RANBP2: variants seen among roughly 807,000 people sequenced by gnomAD.
RANBP2 encodes the protein E3 SUMO-protein ligase RanBP2.
In RANBP2, 57 loss-of-function variants were observed where a neutral mutation model predicts 303.6. That is an observed-to-expected ratio of 0.19 (90% confidence interval 0.15 to 0.23). The LOEUF (loss-of-function observed/expected upper bound fraction) is 0.23. Among genes scored for constraint, RANBP2 ranks in the 10% least tolerant of loss-of-function variants. The probability of loss-of-function intolerance (pLI) is 1.00; values close to 1 mark genes in which losing one functional copy is unlikely to be tolerated. For synonymous variants in RANBP2, 1,167 were observed against 1,301.5 expected (o/e 0.90, Z 2.23); for missense variants, 3,138 against 3,780.8 (o/e 0.83, Z 4.46).
At chr2:109,647,542 C>T in the RANBP2 span, among the ~76,000 whole-genome samples, 1 of 151,904 alleles carries the variant, frequency 6.6e-6, no homozygotes, top group Non-Finnish European at 1.5e-5. Context: ...GATCTCGGCT[C>T]ACTGCAATCT....
chr2:108,912,548 C>CA, the RANBP2 span: 1 of 835,522 alleles, frequency 1.2e-6, no homozygotes, highest in Non-Finnish European at 2.0e-6. Context: ...CATTCAATTA[C>CA]ATTAGGGAGG....
chr2:109,614,196 G>C, the RANBP2 span: 1 of 1,112,920 alleles, frequency 9.0e-7, no homozygotes, highest in East Asian at 3.8e-5. Flanking sequence ...GCCCTCGCGA[G>C]GCCGGAAGTG....
the RANBP2 span, among the ~76,000 whole-genome samples, chr2:109,167,874 T>G: frequency 6.6e-6 from 1 of 152,320 alleles, no homozygotes; most frequent in Non-Finnish European, 1.5e-5. Flanking sequence ...CCCAGCCTAG[T>G]GTCTGAATTC....
chr2:109,344,992 G>GT, the RANBP2 span, among the ~76,000 whole-genome samples: 4 of 152,166 alleles, frequency 2.6e-5, no homozygotes, highest in Admixed American at 6.5e-5. Context: ...GTGAAGGGGG[G>GT]TGTCAGGGAG....
At chr2:109,393,983 G>A in the RANBP2 span, among the ~76,000 whole-genome samples, 2 of 152,036 alleles carry the variant, frequency 1.3e-5, no homozygotes, top group Non-Finnish European at 2.9e-5. Context: ...AGGGCTGGCC[G>A]CACCTCCCCA....
chr2:109,614,762 CG>C, the RANBP2 span: 1 of 1,478,492 alleles, frequency 6.8e-7, no homozygotes, highest in Non-Finnish European at 8.9e-7. Context: ...CCGAGCCCTC[CG>C]GGGACCCGCC....
chr2:109,286,627 G>A, the RANBP2 span, among the ~76,000 whole-genome samples: 1 of 152,194 alleles, frequency 6.6e-6, no homozygotes, highest in Non-Finnish European at 1.5e-5. Context: ...CCACACCCAT[G>A]ATTCTAAATC....
the RANBP2 span, among the ~76,000 whole-genome samples, chr2:108,832,801 G>A: frequency 1.3e-5 from 2 of 152,164 alleles, no homozygotes; most frequent in Non-Finnish European, 2.9e-5. Flanking sequence ...TGCCTTAGTC[G>A]TGACGTGTAT....
chr2:109,351,477 T>G, the RANBP2 span, among the ~76,000 whole-genome samples: 1 of 152,248 alleles, frequency 6.6e-6, no homozygotes, highest in Non-Finnish European at 1.5e-5. Flanking sequence ...TAACTCTATA[T>G]TGTCTTACTC....
chr2:109,477,613 G>GGTGTGTGT, the RANBP2 span, among the ~76,000 whole-genome samples: 924 of 149,448 alleles, frequency 6.2e-3, 4 homozygotes, highest in Non-Finnish European at 8.5e-3. Flanking sequence ...GCCACAGATG[G>GGTGTGTGT]GTGTGTGTGT....
the RANBP2 span, among the ~76,000 whole-genome samples, chr2:109,143,777 A>G: frequency 1.3e-5 from 2 of 150,150 alleles, no homozygotes; most frequent in African/African-American, 4.9e-5. Context: ...CAAACAAACA[A>G]ACAAACAAAA....
At chr2:109,441,266 G>A in the RANBP2 span, among the ~76,000 whole-genome samples, 8 of 151,954 alleles carry the variant, frequency 5.3e-5, no homozygotes, top group Admixed American at 2.0e-4. Flanking sequence ...AATCAAAACT[G>A]ACCCCAAATT....
chr2:109,710,896 A>T, the RANBP2 span, among the ~76,000 whole-genome samples: 1 of 152,064 alleles, frequency 6.6e-6, no homozygotes, highest in Non-Finnish European at 1.5e-5. Flanking sequence ...TGTTCATAAT[A>T]GGAAGGGGAT....
At chr2:109,270,529 ATTCCT>A in the RANBP2 span, among the ~76,000 whole-genome samples, 1 of 152,134 alleles carries the variant, frequency 6.6e-6, no homozygotes, top group Non-Finnish European at 1.5e-5. Flanking sequence ...GAACCCATCC[ATTCCT>A]CTGTGATCAG....
the RANBP2 span, among the ~76,000 whole-genome samples, chr2:108,813,766 G>A: frequency 2.0e-5 from 3 of 152,088 alleles, no homozygotes; most frequent in South Asian, 2.1e-4. Context: ...CACTATCCTA[G>A]AAAGTTCTCT....
At chr2:108,831,706 T>TTCCTTCCTTCC in the RANBP2 span, among the ~76,000 whole-genome samples, 1 of 145,656 alleles carries the variant, frequency 6.9e-6, no homozygotes, top group Non-Finnish European at 1.6e-5. Flanking sequence ...AGAATCTTCC[T>TTCCTTCCTTCC]TCCTTCCTTC....
the RANBP2 span, among the ~76,000 whole-genome samples, chr2:109,019,650 GTTTGATT>G: frequency 6.6e-6 from 1 of 152,160 alleles, no homozygotes; most frequent in Non-Finnish European, 1.5e-5. Context: ...TGATGTGCTG[GTTTGATT>G]TTTGGCTCGC....
At chr2:109,216,366 T>C in the RANBP2 span, among the ~76,000 whole-genome samples, 1 of 152,174 alleles carries the variant, frequency 6.6e-6, no homozygotes. Flanking sequence ...CAGCATATCA[T>C]TTATTTAGCT....
At chr2:109,304,180 G>C in the RANBP2 span, among the ~76,000 whole-genome samples, 1 of 151,820 alleles carries the variant, frequency 6.6e-6, no homozygotes, top group Non-Finnish European at 1.5e-5. Flanking sequence ...TCACACTGCT[G>C]TACAGTAGAT....
Sources: allele counts gnomAD v4.1 joint callset (sites outside exome capture counted in the v4.1 genomes callset), GRCh38; gene constraint gnomAD v4.1.1; transcripts MANE v1.5; gene names NCBI Gene and HGNC (gene_info 2026-07-23, HGNC 2026-07-21).